The following SEC16A variants were observed in gnomAD, a reference collection of about 807,000 sequenced individuals.
The protein encoded by SEC16A is protein transport protein Sec16A.
Under a neutral mutation model 221.9 loss-of-function variants are expected in SEC16A, and 110 were observed. The observed-to-expected ratio is 0.50, with a 90% CI of 0.42 to 0.58. SEC16A has a LOEUF of 0.58. SEC16A is among the 20% of genes least tolerant of loss of function. The probability of loss-of-function intolerance (pLI) is 0.00; values close to 1 mark genes in which losing one functional copy is unlikely to be tolerated. For synonymous variants in SEC16A, 1,393 were observed against 1,257.7 expected, an observed-to-expected ratio of 1.11 and a Z score of -2.28; for missense variants, 3,165 against 3,097.8, an observed-to-expected ratio of 1.02 and a Z score of -0.52.
Position 136,445,120 on chromosome 9 carries a change from C to G in SEC16A, c.6868-9G>C. 1 of 1,601,054 alleles carries G rather than the reference C, an allele frequency of 6.2e-7. No individual in the cohort carries two copies. On this transcript the variant is annotated splice_polypyrimidine_tract_variant and intron_variant, in intron 29 of 31. Coordinates refer to ENST00000684901, the MANE Select transcript of SEC16A (RefSeq NM_014866.2). ...GAACTACAGCGCGAAAGCTACAAAA[C>G]AGCAAGAACACACATAAAACACGGA...
At chr9:136,448,036 A>T in intron 24 of SEC16A, 48 bp downstream of exon 24, 2 of 1,572,140 alleles carry the variant, frequency 1.3e-6, no homozygotes, top group Non-Finnish European at 1.7e-6. Context: ...GTGACAGAAA[A>T]ATCATTACAA....
Position 136,446,889 on chromosome 9 carries a change from C to T in SEC16A, c.6758G>A (p.Gly2253Asp), listed in dbSNP as rs896059806. 4.3e-6 allele frequency: 7 copies of T among 1,613,004 alleles called. No individual in the cohort carries two copies. The highest frequency in any genetic ancestry group is 5.1e-6 in the Non-Finnish European group (6 of 1,179,664). Reference protein sequence around the residue: ...TGREGPAAARGLANPEPAPEP... With the variant: ...TGREGPAAARDLANPEPAPEP... Reference sequence around the variant, plus strand: ...TGGGGCAGGCTCTGGATTGGCCAGGCCCCTAGCTGCTGCAGGCCCTTCCCT... The same window carrying T: ...TGGGGCAGGCTCTGGATTGGCCAGGTCCCTAGCTGCTGCAGGCCCTTCCCT... The change falls in exon 28 of 32, where the codon GGC (glycine) becomes GAC (aspartate). Residue 2253 changes from glycine (G) to aspartate (D), a missense_variant. Around this residue, in one of 3 missense-constraint regions of SEC16A, gnomAD observed 1,088 missense variants for 1,089.6 expected, o/e 1.00. Transcript: ENST00000684901.
chr9:136,465,977 G>A lies in SEC16A; in HGVS notation c.4288C>T (p.Pro1430Ser), dbSNP rs775007817. 8 of 1,613,212 alleles carry A rather than the reference G, an allele frequency of 5.0e-6. No individual in the cohort carries two copies. ...GAGCACACACCTTGCTCCATGGCAGGCCAGACGGTGTCGGCAGGGTAGCCA... is the reference window on the plus strand; with the variant it reads ...GAGCACACACCTTGCTCCATGGCAGACCAGACGGTGTCGGCAGGGTAGCCA... Reference protein sequence around the residue: ...EYGYPADTVWPAMEQVSSRPT... With the variant: ...EYGYPADTVWSAMEQVSSRPT... The change falls in exon 8 of 32, where the codon CCT becomes TCT. Residue 1430 changes from proline to serine, a missense_variant. Pro to Ser is a moderately conservative substitution (Grantham distance 74). Transcript: ENST00000684901.
chr9:136,481,129 CTT>C (rs1000992506), intron 1 of SEC16A, among the ~76,000 whole-genome samples: 10 of 87,972 alleles, frequency 1.1e-4, no homozygotes, highest in Non-Finnish European at 1.7e-4. Context: ...GAATTTTATT[CTT>C]TTTTTTTTTT....
In SEC16A at chr9:136,476,002, C is replaced by T. The variant is rs776217005; in HGVS notation, c.1614G>A (p.Arg538=). The T allele has an allele frequency of 1.9e-6, 3 of 1,613,520 alleles. No individual in the cohort carries two copies. Among genetic ancestry groups the T allele is most frequent in the South Asian group, 1.1e-5 (1 of 91,088 alleles). ...RSHGRLSGSA[R]PQELVGTFIQ... The stretch of plus-strand genomic sequence containing the variant: ...TGAATGTGCCAACCAGCTCCTGGGG[C>T]CTGGCTGAGCCTGAGAGCCTTCCGT... The change falls in exon 3 of 32, where the codon AGG becomes AGA. Residue 538 remains arginine, a synonymous_variant. Transcript: ENST00000684901.
intron 23 of SEC16A, among the ~76,000 whole-genome samples, chr9:136,450,404 C>T (rs571175036): frequency 6.6e-6 from 1 of 151,366 alleles, no homozygotes; most frequent in Non-Finnish European, 1.5e-5. Context: ...GCAGTCCCAG[C>T]TACGAGGCAG....
rs565949028 is a variant in SEC16A, at chr9:136,477,299, G to T, written c.317C>A (p.Pro106His). ...CAGAGGTCCAGGCAGGGGCTCACAGGGTCCCTGAGAGCTATCTCTGGCATG... is the reference window on the plus strand; with the variant it reads ...CAGAGGTCCAGGCAGGGGCTCACAGTGTCCCTGAGAGCTATCTCTGGCATG... ...HTHARDSSQG[P>H]CEPLPGPLTQ... is the part of the protein sequence containing the mutation. Residue 106 changes from proline to histidine, a missense_variant, in exon 3 of 32, where the codon CCC becomes CAC. By Grantham distance (77) the Pro-to-His change is moderately conservative (BLOSUM62 -2). Coordinates refer to ENST00000684901, the MANE Select transcript of SEC16A (RefSeq NM_014866.2). The T allele has an allele frequency of 6.2e-7, 1 of 1,613,794 alleles. No homozygotes were observed. Among genetic ancestry groups the T allele is most frequent in the Non-Finnish European group, 8.5e-7 (1 of 1,179,760 alleles).
At chr9:136,461,106 G>A in intron 13 of SEC16A, 71 bp downstream of exon 13, 2 of 1,202,956 alleles carry the variant, frequency 1.7e-6, no homozygotes, top group Non-Finnish European at 1.2e-6. Context: ...CCTGCCCCCA[G>A]GGTGCGGACG....
chr9:136,483,286 C>T (rs1842653731), upstream of SEC16A, among the ~76,000 whole-genome samples: 1 of 126,558 alleles, frequency 7.9e-6, no homozygotes, highest in Non-Finnish European at 1.7e-5. Context: ...TTTCGTCCCG[C>T]CCCCCGCCCG....
chr9:136,466,492 G>C lies in SEC16A; in HGVS notation c.3930-30C>G. ...AGGAAGCCGGGGGACAGAGGCAGAGGAATGGGAGTGCCGGAGGCCCCGTCC... is the reference window on the plus strand; with the variant it reads ...AGGAAGCCGGGGGACAGAGGCAGAGCAATGGGAGTGCCGGAGGCCCCGTCC... On this transcript the variant is annotated intron_variant, in intron 6 of 31. Transcript: ENST00000684901. This position sits in a 1 kb window ranked among gnomAD's most constrained non-coding sequence, Gnocchi z 5.5. 6.4e-7 allele frequency: 1 copy of C among 1,562,686 alleles called. No homozygotes were observed. The highest frequency in any genetic ancestry group is 8.7e-7 in the Non-Finnish European group (1 of 1,151,450).
chr9:136,460,167 A>T (rs377182587), intron 13 of SEC16A, 44 bp from the exon 14 acceptor site: 1 of 1,516,042 alleles, frequency 6.6e-7, no homozygotes, highest in Non-Finnish European at 9.0e-7. Context: ...TGGCTCAGCT[A>T]AAAGAAAAAA....
intron 3 of SEC16A, among the ~76,000 whole-genome samples, chr9:136,472,794 C>A (rs1841053511): frequency 1.3e-5 from 2 of 152,268 alleles, no homozygotes; most frequent in South Asian, 4.1e-4. Flanking sequence ...GACGCTGCCG[C>A]TGCCTGGCAG....
At chr9:136,452,354 G>A (rs1056620406) in intron 22 of SEC16A, among the ~76,000 whole-genome samples, 4 of 149,560 alleles carry the variant, frequency 2.7e-5, no homozygotes, top group African/African-American at 9.9e-5. Context: ...AGGAGGCTGA[G>A]GCAGAGAATT....
At chr9:136,480,667 A>G (rs966484860) in intron 1 of SEC16A, among the ~76,000 whole-genome samples, 18 of 152,196 alleles carry the variant, frequency 1.2e-4, no homozygotes, top group Non-Finnish European at 2.2e-4. Flanking sequence ...CGAGGCGGGC[A>G]GATCAAGAGG....
intron 23 of SEC16A, chr9:136,448,815 G>A (rs541636434): frequency 4.2e-6 from 3 of 713,980 alleles, no homozygotes; most frequent in Non-Finnish European, 7.8e-6. Flanking sequence ...ACACCAGGAG[G>A]ATGGAGGTGG....
In SEC16A at chr9:136,474,454, G is replaced by C. The variant is rs577746911; in HGVS notation, c.3162C>G (p.Leu1054=). The C allele has an allele frequency of 1.2e-6, 2 of 1,613,092 alleles. No individual in the cohort carries two copies. The highest frequency in any genetic ancestry group is 2.7e-5 in the African/African-American group (2 of 75,060). The change falls in exon 3 of 32, where the codon CTC becomes CTG. Residue 1054 remains leucine, a synonymous_variant. Coordinates refer to ENST00000684901, the MANE Select transcript of SEC16A (RefSeq NM_014866.2). ...GCACCAGCTCCTGCTGGGCTCTTTCGAGGCCAGGCTGGCCCTGGGCATCTT... is the reference window on the plus strand; with the variant it reads ...GCACCAGCTCCTGCTGGGCTCTTTCCAGGCCAGGCTGGCCCTGGGCATCTT... ...VTKDAQGQPG[L]ERAQQELVPP...
Position 136,474,532 on chromosome 9 carries a change from TCTGGGATGA to T in SEC16A, c.3075_3083del (p.Ser1025_Pro1027del). On this transcript the variant is annotated inframe_deletion, in exon 3 of 32. Coordinates refer to ENST00000684901, the MANE Select transcript of SEC16A (RefSeq NM_014866.2). ...GGTTAGGCGCCCCAGGCCCAGATTGTCTGGGATGACTGGCAACACTTTGCTGAGAAGCGA... is the reference window on the plus strand; with the variant it reads ...GGTTAGGCGCCCCAGGCCCAGATTGTCTGGCAACACTTTGCTGAGAAGCGA... The T allele has an allele frequency of 6.2e-7, 1 of 1,612,940 alleles. No individual in the cohort carries two copies. Among genetic ancestry groups the T allele is most frequent in the Non-Finnish European group, 8.5e-7 (1 of 1,179,816 alleles).
intron 30 of SEC16A, 118 bp from the exon 31 acceptor site, chr9:136,444,018 G>T: frequency 1.6e-6 from 1 of 633,588 alleles, no homozygotes; most frequent in Non-Finnish European, 2.7e-6. Context: ...ATAAGCTACA[G>T]AAGCAGATCC....
rs771700463 is a variant in SEC16A at position 136,476,664 on chromosome 9, T to C, written c.952A>G (p.Arg318Gly). 26 of 1,570,616 alleles carry C rather than the reference T, an allele frequency of 1.7e-5. No homozygotes were observed. The highest frequency in any genetic ancestry group is 2.1e-5 in the Non-Finnish European group (24 of 1,156,032). Residue 318 changes from arginine to glycine, a missense_variant, in exon 3 of 32, where the codon AGG (arginine) becomes GGG (glycine). Transcript: ENST00000684901. ...IVNHWASPEL[R>G]QNPGVKNEHR... is the part of the protein sequence containing the mutation. ...TCATTCTTCACTCCTGGATTCTGCCTGAGCTCTGGGCTTGCCCAGTGATTC... is the reference window on the plus strand; with the variant it reads ...TCATTCTTCACTCCTGGATTCTGCCCGAGCTCTGGGCTTGCCCAGTGATTC...
Sources: gnomAD v4.1 joint callset for allele counts (sites outside exome capture counted in the v4.1 genomes callset) on GRCh38, gnomAD v4.1.1 for gene constraint, gnomAD v4.1.1 regional missense constraint, Gnocchi (gnomAD v3.1) non-coding constraint, MANE v1.5 for transcripts, NCBI Gene and HGNC (gene_info 2026-07-23, HGNC 2026-07-21) for gene names.